PTPN13: variants seen among roughly 807,000 people sequenced by gnomAD.
The protein encoded by PTPN13 is tyrosine-protein phosphatase non-receptor type 13.
Under a neutral mutation model 284.0 loss-of-function variants are expected in PTPN13, and 191 were observed. That is an observed-to-expected ratio of 0.67 (90% CI 0.60 to 0.76). PTPN13 has a LOEUF of 0.76. PTPN13 is among the 30% of genes least tolerant of loss of function. The pLI is 0.00. For synonymous variants in PTPN13, 986 were observed against 1,022.3 expected (o/e 0.96, Z 0.68); for missense variants, 2,797 against 2,939.9 (o/e 0.95, Z 1.12).
chr4:86,615,575 A>G (rs1424623682), intron 1 of PTPN13, among the ~76,000 whole-genome samples: 1 of 152,116 alleles, frequency 6.6e-6, no homozygotes, highest in Non-Finnish European at 1.5e-5. Context: ...TTAGACTTGG[A>G]AAACATGTTA....
intron 40 of PTPN13, 50 bp from the exon 41 acceptor site, chr4:86,796,823 AT>A (rs1323712657): frequency 5.2e-5 from 63 of 1,222,984 alleles, no homozygotes; most frequent in South Asian, 9.8e-5. Context: ...ATAGTATGCG[AT>A]TTTTTTTGTT....
Position 86,741,790 on chromosome 4 carries a change from A to G in PTPN13, c.2461A>G (p.Arg821Gly). 6.2e-7 allele frequency: 1 copy of G among 1,606,492 alleles called. No homozygotes were observed. Among genetic ancestry groups the G allele is most frequent in the Non-Finnish European group, 8.5e-7 (1 of 1,176,168 alleles). ...CACATTGGTCCTTCGCTTTCCATGGAGGGAAACCAAGAAAATATCTTTTTC... is the reference window on the plus strand; with the variant it reads ...CACATTGGTCCTTCGCTTTCCATGGGGGGAAACCAAGAAAATATCTTTTTC... ...VRTLVLRFPW[R>G]ETKKISFSKK... The change falls in exon 16 of 48, where the codon AGG (arginine) becomes GGG (glycine). Residue 821 changes from arginine to glycine, a missense_variant. Transcript: ENST00000411767.
chr4:86,618,492 C>T (rs1462959044), intron 1 of PTPN13, among the ~76,000 whole-genome samples: 1 of 152,130 alleles, frequency 6.6e-6, no homozygotes, highest in Non-Finnish European at 1.5e-5. Flanking sequence ...ATGGGGATGG[C>T]ATTGAATCTA....
At chr4:86,784,372 T>C in intron 37 of PTPN13, 93 bp from the exon 38 acceptor site, 3 of 786,868 alleles carry the variant, frequency 3.8e-6, no homozygotes, top group Non-Finnish European at 6.1e-6. Flanking sequence ...GATCTTGTAC[T>C]AAGAAAGAAG....
chr4:86,643,352 G>C (rs1456152724), intron 2 of PTPN13, among the ~76,000 whole-genome samples: 1 of 152,140 alleles, frequency 6.6e-6, no homozygotes. Context: ...ATTTGGATCA[G>C]ATTGTAGAGA....
chr4:86,764,630 A>G lies in PTPN13; in HGVS notation c.4055A>G (p.Asn1352Ser). 1 of 1,565,808 alleles carries G rather than the reference A, an allele frequency of 6.4e-7. No homozygotes were observed. Among genetic ancestry groups the G allele is most frequent in the Non-Finnish European group, 8.7e-7 (1 of 1,155,494 alleles). The stretch of plus-strand genomic sequence containing the variant: ...TCAGTGAATACATCCAACAAGATGA[A>G]TTTTAAAACTTTTTCTTCATCACCT... ...SSSVNTSNKM[N>S]FKTFSSSPPK... Residue 1352 changes from asparagine (N) to serine (S), a missense_variant, in exon 25 of 48, where the codon AAT (asparagine) becomes AGT (serine). Coordinates refer to ENST00000411767, the MANE Select transcript of PTPN13 (RefSeq NM_080683.3).
intron 28 of PTPN13, among the ~76,000 whole-genome samples, chr4:86,768,643 T>A (rs770012828): frequency 3.3e-5 from 5 of 152,012 alleles, no homozygotes; most frequent in Non-Finnish European, 7.4e-5. Context: ...TATTTTTTCC[T>A]GAATATGAAA....
chr4:86,650,676 G>A (rs943118266), intron 2 of PTPN13, among the ~76,000 whole-genome samples: 2 of 152,064 alleles, frequency 1.3e-5, no homozygotes, highest in African/African-American at 4.8e-5. Context: ...TATTTTATTT[G>A]TAGCACTTGT....
chr4:86,669,022 C>T (rs1727417857), intron 2 of PTPN13, among the ~76,000 whole-genome samples: 1 of 151,594 alleles, frequency 6.6e-6, no homozygotes, highest in African/African-American at 2.4e-5. Context: ...AACTTAGTAA[C>T]TTCCTGACCC....
chr4:86,626,190 A>G (rs1055522103), intron 1 of PTPN13, among the ~76,000 whole-genome samples: 1 of 152,104 alleles, frequency 6.6e-6, no homozygotes, highest in Non-Finnish European at 1.5e-5. Flanking sequence ...TTTTCTTCTT[A>G]TTCTTTGAAG....
chr4:86,757,926 A>G (rs1738171782), intron 20 of PTPN13, among the ~76,000 whole-genome samples: 1 of 152,210 alleles, frequency 6.6e-6, no homozygotes, highest in Non-Finnish European at 1.5e-5. Flanking sequence ...TAACAAACAG[A>G]AAACCTAAAT....
chr4:86,627,236 T>C (rs1721938219), intron 1 of PTPN13, among the ~76,000 whole-genome samples: 1 of 152,080 alleles, frequency 6.6e-6, no homozygotes, highest in South Asian at 2.1e-4. Flanking sequence ...CAGAGGTCTG[T>C]TCAATAACGA....
In PTPN13 at chr4:86,744,030, T is replaced by G. The variant is rs545411042; in HGVS notation, c.2488-936T>G. The stretch of plus-strand genomic sequence containing the variant: ...ATATAGGTCACAAATTGGAGTATGC[T>G]CTCTTCCACAAAAGACATTCAGTTT... On this transcript the variant is annotated intron_variant, in intron 16 of 47. Transcript: ENST00000411767. Among the ~76,000 whole-genome samples, 288 of 152,282 alleles carry G rather than the reference T, an allele frequency of 1.9e-3. 2 individuals are homozygous for G. Among genetic ancestry groups the G allele is most frequent in the Non-Finnish European group, 3.5e-3 (239 of 68,006 alleles).
In PTPN13 at chr4:86,662,418, G is replaced by C. The variant is rs555895790; in HGVS notation, c.116-9947G>C. ...GCAATCTCGGCTCACTGTAACCCCCGCCTCCCAAGTTCAAGTGATTCTCCT... is the reference window on the plus strand; with the variant it reads ...GCAATCTCGGCTCACTGTAACCCCCCCCTCCCAAGTTCAAGTGATTCTCCT... On this transcript the variant is annotated intron_variant, in intron 2 of 47. Transcript: ENST00000411767. Among the ~76,000 whole-genome samples the C allele has an allele frequency of 3.0e-4, 45 of 152,040 alleles. No homozygotes were observed. In the East Asian group the frequency reaches 7.9e-3, roughly 27 times the overall value.
intron 7 of PTPN13, among the ~76,000 whole-genome samples, chr4:86,703,009 A>G (rs1370203737): frequency 1.3e-5 from 2 of 152,164 alleles, no homozygotes; most frequent in Non-Finnish European, 2.9e-5. Context: ...CTGGAGCTGA[A>G]CAACATAATT....
intron 9 of PTPN13, 69 bp from the exon 10 acceptor site, chr4:86,722,143 A>G (rs112034531): frequency 0.099 from 129,693 of 1,309,704 alleles, 7,197 homozygotes; most frequent in Non-Finnish European, 0.11. Context: ...TTAAAATGAA[A>G]TTTGCTTGAT....
intron 1 of PTPN13, among the ~76,000 whole-genome samples, chr4:86,600,260 A>C (rs1378261543): frequency 6.6e-6 from 1 of 152,104 alleles, no homozygotes; most frequent in Non-Finnish European, 1.5e-5. Flanking sequence ...CACAGCTTAC[A>C]AGAAACTGCT....
intron 1 of PTPN13, 148 bp from the exon 2 acceptor site, chr4:86,635,104 G>GT: frequency 2.2e-6 from 2 of 889,334 alleles, no homozygotes; most frequent in Non-Finnish European, 3.3e-6. Context: ...CCTTCTGTGA[G>GT]TTTAAGATAA....
intron 37 of PTPN13, 64 bp from the exon 38 acceptor site, chr4:86,784,401 A>G: frequency 9.8e-7 from 1 of 1,021,666 alleles, no homozygotes; most frequent in Non-Finnish European, 1.5e-6. Flanking sequence ...GACAATGTGC[A>G]GTCCCCCGAT....
Sources: gnomAD v4.1 joint callset for allele counts (sites outside exome capture counted in the v4.1 genomes callset) on GRCh38, gnomAD v4.1.1 for gene constraint, MANE v1.5 for transcripts, NCBI Gene and HGNC (gene_info 2026-07-23, HGNC 2026-07-21) for gene names.